Variants in VPS26B observed in about 807,000 individuals in gnomAD.
VPS26B encodes the protein vacuolar protein sorting-associated protein 26B.
In VPS26B, 10 loss-of-function variants were observed where a neutral mutation model predicts 33.3. The observed-to-expected ratio is 0.30, with a 90% CI of 0.19 to 0.51. VPS26B has a LOEUF of 0.51. VPS26B is among the 20% of genes least tolerant of loss of function. The probability of loss-of-function intolerance (pLI) is 0.98; values close to 1 mark genes in which losing one functional copy is unlikely to be tolerated. For synonymous variants in VPS26B, 190 were observed against 176.9 expected, an observed-to-expected ratio of 1.07 and a Z score of -0.59; for missense variants, 317 against 452.7, an observed-to-expected ratio of 0.70 and a Z score of 2.72.
chr11:134,235,900 AC>A (rs907820342), intron 2 of VPS26B, among the ~76,000 whole-genome samples: 1 of 152,182 alleles, frequency 6.6e-6, no homozygotes, highest in African/African-American at 2.4e-5. Context: ...GACTCTGAAC[AC>A]CTGATTCCAG....
At chr11:134,234,496 A>G (rs1407734373) in intron 1 of VPS26B, among the ~76,000 whole-genome samples, 1 of 152,220 alleles carries the variant, frequency 6.6e-6, no homozygotes, top group Non-Finnish European at 1.5e-5. Context: ...GACCTGTCTT[A>G]GCTGTGTCAG....
chr11:134,243,272 C>G lies in VPS26B; in HGVS notation c.699C>G (p.Ile233Met). Residue 233 changes from isoleucine (I) to methionine (M), a missense_variant, in exon 4 of 6, where the codon ATC becomes ATG. Coordinates refer to ENST00000281187, the MANE Select transcript of VPS26B (RefSeq NM_052875.5). ...HENDTIAKYE[I>M]MDGAPVRGES... ...ATGACACGATAGCCAAGTACGAGAT[C>G]ATGGACGGGGCACCAGTGCGAGGTG... The G allele has an allele frequency of 6.2e-7, 1 of 1,614,100 alleles. No homozygotes were observed. Among genetic ancestry groups the G allele is most frequent in the South Asian group, 1.1e-5 (1 of 91,088 alleles).
chr11:134,237,942 G>C (rs1196023852), intron 2 of VPS26B, among the ~76,000 whole-genome samples: 5 of 152,106 alleles, frequency 3.3e-5, no homozygotes. Context: ...GCCTGGAGAG[G>C]GTTCTTGGGA....
chr11:134,243,044 CG>C (rs1938757642), intron 3 of VPS26B, 74 bp from the exon 4 acceptor site: 1 of 1,480,488 alleles, frequency 6.8e-7, no homozygotes, highest in Non-Finnish European at 9.3e-7. Context: ...TTGGCCGTGG[CG>C]TGTGCGCTCT....
chr11:134,227,777 T>C (rs1398496660), intron 1 of VPS26B, among the ~76,000 whole-genome samples: 2 of 152,192 alleles, frequency 1.3e-5, no homozygotes, highest in Non-Finnish European at 2.9e-5. Flanking sequence ...TGCCAGGGGA[T>C]CATGCATGAC....
At chr11:134,238,971 T>C (rs1006695128) in intron 2 of VPS26B, among the ~76,000 whole-genome samples, 2 of 152,214 alleles carry the variant, frequency 1.3e-5, no homozygotes, top group African/African-American at 4.8e-5. Flanking sequence ...GAAAATACAA[T>C]TTATTATATT....
chr11:134,236,664 A>G (rs933141863), intron 2 of VPS26B: 1 of 152,248 alleles, frequency 6.6e-6, no homozygotes, highest in African/African-American at 2.4e-5. Context: ...ATGCTACAAC[A>G]TGGGTGAACC....
intron 1 of VPS26B, among the ~76,000 whole-genome samples, chr11:134,227,455 C>G (rs1938496419): frequency 6.6e-6 from 1 of 152,208 alleles, no homozygotes; most frequent in South Asian, 2.1e-4. Context: ...CTGCCCCAGA[C>G]AGTGTGAAAT....
chr11:134,245,364 G>A lies in VPS26B; in HGVS notation c.865-80G>A, dbSNP rs1488712769. On this transcript the variant is annotated intron_variant, in intron 5 of 5. Transcript: ENST00000281187. The surrounding 1 kb of genome is among the most constrained non-coding windows in gnomAD (Gnocchi z 4.7). ...GAGGTCCTTGCCCGAGATTCCCCAC[G>A]TCAAAGTTGGGAGCCTCTAGGAAAC... is the stretch of plus-strand genomic sequence containing the variant. 76 of 1,582,356 alleles carry A rather than the reference G, an allele frequency of 4.8e-5. No homozygotes were observed. The highest frequency in any genetic ancestry group is 2.5e-4 in the East Asian group (11 of 44,318).
chr11:134,242,026 T>A (rs1172165889), intron 3 of VPS26B, among the ~76,000 whole-genome samples: 1 of 152,230 alleles, frequency 6.6e-6, no homozygotes, highest in Non-Finnish European at 1.5e-5. Flanking sequence ...GGGTTTTTGT[T>A]TTTTGTTTTT....
At chr11:134,242,556 A>C (rs974505609) in intron 3 of VPS26B, among the ~76,000 whole-genome samples, 1 of 152,228 alleles carries the variant, frequency 6.6e-6, no homozygotes, top group Non-Finnish European at 1.5e-5. Context: ...AGTGTTACCC[A>C]ATGTGGCTCA....
At chr11:134,230,631 A>G (rs1449337616) in intron 1 of VPS26B, among the ~76,000 whole-genome samples, 1 of 152,198 alleles carries the variant, frequency 6.6e-6, no homozygotes, top group Non-Finnish European at 1.5e-5. Flanking sequence ...CTGCCTTTAC[A>G]TCTTTCTTTC....
At chr11:134,243,053 TCTA>T in intron 3 of VPS26B, 63 bp from the exon 4 acceptor site, 4 of 1,558,206 alleles carry the variant, frequency 2.6e-6, no homozygotes, top group Non-Finnish European at 3.5e-6. Flanking sequence ...GCGTGTGCGC[TCTA>T]CTGAAACAGA....
At chr11:134,243,838 A>T (rs1733913828) in intron 4 of VPS26B, 1 of 152,514 alleles carries the variant, frequency 6.6e-6, no homozygotes, top group African/African-American at 2.4e-5. Context: ...CTAACATTAC[A>T]TCTGGGTTAG....
chr11:134,225,176 T>G lies in VPS26B; in HGVS notation c.54T>G (p.Asp18Glu). The G allele has an allele frequency of 6.2e-7, 1 of 1,613,908 alleles. No individual in the cohort carries two copies. The part of the protein sequence containing the change: ...QSVEVEILLN[D>E]AESRKRAEHK... ...TGGAGGTGGAAATCCTTCTGAACGATGCAGAGAGTAGGAAGCGGGCCGAGC... is the reference window on the plus strand; with the variant it reads ...TGGAGGTGGAAATCCTTCTGAACGAGGCAGAGAGTAGGAAGCGGGCCGAGC... The change falls in exon 1 of 6, where the codon GAT becomes GAG. Residue 18 changes from aspartate to glutamate, a missense_variant. By Grantham distance (45) the Asp-to-Glu change is conservative. Coordinates refer to ENST00000281187, the MANE Select transcript of VPS26B (RefSeq NM_052875.5).
intron 1 of VPS26B, among the ~76,000 whole-genome samples, chr11:134,234,547 T>C (rs1938603049): frequency 6.6e-6 from 1 of 152,226 alleles, no homozygotes; most frequent in Admixed American, 6.5e-5. Context: ...AATAGCTATA[T>C]CCTTTCGGAA....
At chr11:134,239,054 T>C (rs535857257) in intron 2 of VPS26B, among the ~76,000 whole-genome samples, 56 of 152,326 alleles carry the variant, frequency 3.7e-4, no homozygotes, top group Non-Finnish European at 7.3e-4. Flanking sequence ...CATTGAGTGT[T>C]AGCACAGTGC....
In VPS26B at chr11:134,224,978, C is replaced by T. The variant is rs1352024348; in HGVS notation, c.-145C>T. The T allele has an allele frequency of 1.0e-5, 6 of 602,170 alleles. No individual in the cohort carries two copies. The highest frequency in any genetic ancestry group is 1.4e-5 in the Non-Finnish European group (6 of 428,302). 37.3% of individuals were successfully genotyped at this position (602,170 alleles called of 1,614,324 possible). ...GCCGGCTGTCCGTCGGCGCCCACTGCCCGGCGGCAGCGGCGGAGCCAGGCA... is the reference window on the plus strand; with the variant it reads ...GCCGGCTGTCCGTCGGCGCCCACTGTCCGGCGGCAGCGGCGGAGCCAGGCA... On this transcript the variant is annotated 5_prime_UTR_variant, in exon 1 of 6. Transcript: ENST00000281187.
At chr11:134,234,133 A>G (rs1012913699) in intron 1 of VPS26B, among the ~76,000 whole-genome samples, 2 of 152,176 alleles carry the variant, frequency 1.3e-5, no homozygotes, top group African/African-American at 2.4e-5. Context: ...GGTGCACACT[A>G]AAGTTCGACA....
Sources: gnomAD v4.1 joint callset for allele counts (sites outside exome capture counted in the v4.1 genomes callset) on GRCh38, gnomAD v4.1.1 for gene constraint, Gnocchi (gnomAD v3.1) non-coding constraint, MANE v1.5 for transcripts, NCBI Gene and HGNC (gene_info 2026-07-23, HGNC 2026-07-21) for gene names.